STK10: variants seen among roughly 807,000 people sequenced by gnomAD.
The protein encoded by STK10 is serine/threonine-protein kinase 10.
A neutral mutation model predicts 113.8 loss-of-function variants in STK10; 78 were observed. That is an observed-to-expected ratio of 0.69 (90% confidence interval 0.57 to 0.83). The LOEUF (loss-of-function observed/expected upper bound fraction) is 0.83, where lower values mean the gene tolerates loss of function less well. Ranked by LOEUF, STK10 falls within the 40% of genes least tolerant of loss-of-function variation. The probability of loss-of-function intolerance (pLI) is 0.00; values close to 1 mark genes in which losing one functional copy is unlikely to be tolerated. For missense variants in STK10, 1,109 were observed against 1,280.1 expected (o/e 0.87, Z 2.04); for synonymous variants, 465 against 494.7 (o/e 0.94, Z 0.80).
chr5:172,088,286 G>A (rs1057005321), intron 10 of STK10, among the ~76,000 whole-genome samples: 13 of 152,070 alleles, frequency 8.5e-5, no homozygotes, highest in Non-Finnish European at 7.4e-5. Context: ...AGCACTTTGG[G>A]AGGCCGAGGT....
At chr5:172,141,128 G>A (rs1769964104) in intron 2 of STK10, among the ~76,000 whole-genome samples, 1 of 152,214 alleles carries the variant, frequency 6.6e-6, no homozygotes, top group African/African-American at 2.4e-5. Flanking sequence ...GAAATGGGGA[G>A]TTACTCATTA....
chr5:172,130,898 C>T (rs368360282), intron 2 of STK10, among the ~76,000 whole-genome samples: 1 of 152,040 alleles, frequency 6.6e-6, no homozygotes. Flanking sequence ...AGGATTCCTA[C>T]AAAAATATGC....
At chr5:172,152,747 C>T (rs1201392533) in intron 2 of STK10, among the ~76,000 whole-genome samples, 1 of 152,104 alleles carries the variant, frequency 6.6e-6, no homozygotes, top group East Asian at 1.9e-4. Context: ...TTTATGACAT[C>T]TAAACACAGA....
rs114771940 is a variant in STK10, at chr5:172,093,786, G to C, written c.1180C>G (p.Pro394Ala). The change falls in exon 9 of 19, where the codon CCA becomes GCA. Residue 394 changes from proline to alanine, a missense_variant. Physicochemically the swap from Pro to Ala is conservative, Grantham distance 27 (BLOSUM62 -1). Around this residue, in one of 5 missense-constraint regions of STK10, gnomAD observed 885 missense variants for 991.1 expected, o/e 0.89. Coordinates refer to ENST00000176763, the MANE Select transcript of STK10 (RefSeq NM_005990.4). The surrounding 1 kb of genome is among the most constrained non-coding windows in gnomAD (Gnocchi z 4.1). ...GDRSLQTTSP[P>A]VVAPGNENGL... ...TTCTCATTTCCAGGGGCCACGACTG[G>C]GGGACTGGTGGTTTGGAGGGATCTG... 4,713 of 1,609,120 alleles carry C rather than the reference G, an allele frequency of 2.9e-3. 145 individuals carry two copies. The Admixed American group carries it at 0.065, about 22-fold the overall frequency.
At chr5:172,067,880 C>T (rs768064125) in intron 12 of STK10, among the ~76,000 whole-genome samples, 1 of 151,788 alleles carries the variant, frequency 6.6e-6, no homozygotes, top group African/African-American at 2.4e-5. Context: ...AGAAAACCAC[C>T]CTCATACATA....
intron 3 of STK10, among the ~76,000 whole-genome samples, chr5:172,121,872 CTTT>C (rs35742153): frequency 1.3e-4 from 18 of 142,230 alleles, no homozygotes; most frequent in East Asian, 2.1e-4. Flanking sequence ...AGCTAATATA[CTTT>C]TTTTTTTTTT....
intron 1 of STK10, among the ~76,000 whole-genome samples, chr5:172,173,012 A>T (rs1318954535): frequency 6.6e-6 from 1 of 151,544 alleles, no homozygotes; most frequent in Non-Finnish European, 1.5e-5. Flanking sequence ...TGAGGCGAGG[A>T]GACCCGCGTG....
At chr5:172,077,097 G>C (rs1284105354) in intron 12 of STK10, among the ~76,000 whole-genome samples, 1 of 152,238 alleles carries the variant, frequency 6.6e-6, no homozygotes, top group Non-Finnish European at 1.5e-5. Context: ...CTCCCGCTGA[G>C]ATCTACTGAC....
chr5:172,084,916 T>C (rs536015502), intron 10 of STK10, among the ~76,000 whole-genome samples: 2 of 152,330 alleles, frequency 1.3e-5, no homozygotes, highest in East Asian at 3.9e-4. Flanking sequence ...TTTGGGATGT[T>C]TAACCTTTAT....
At chr5:172,160,359 C>G (rs1429129399) in intron 1 of STK10, among the ~76,000 whole-genome samples, 1 of 151,618 alleles carries the variant, frequency 6.6e-6, no homozygotes, top group Non-Finnish European at 1.5e-5. Flanking sequence ...CCTGTAATCT[C>G]AGCTACTCAA....
At chr5:172,111,357 TGAG>T (rs755577623) in intron 4 of STK10, among the ~76,000 whole-genome samples, 2 of 152,078 alleles carry the variant, frequency 1.3e-5, no homozygotes, top group African/African-American at 2.4e-5. Context: ...GATCCCTTCC[TGAG>T]AAGAGAGACG....
chr5:172,115,358 T>C (rs1260260273), intron 4 of STK10, among the ~76,000 whole-genome samples: 1 of 152,106 alleles, frequency 6.6e-6, no homozygotes, highest in African/African-American at 2.4e-5. Flanking sequence ...CCGGGAAATG[T>C]GAAACTAGAT....
chr5:172,121,580 G>A (rs1442790247), intron 3 of STK10, among the ~76,000 whole-genome samples: 2 of 151,936 alleles, frequency 1.3e-5, no homozygotes, highest in Non-Finnish European at 2.9e-5. Flanking sequence ...GTGGAGGTGG[G>A]CAGATCACCT....
chr5:172,160,502 G>A (rs1024000794), intron 1 of STK10, among the ~76,000 whole-genome samples: 2 of 151,066 alleles, frequency 1.3e-5, no homozygotes, highest in Non-Finnish European at 2.9e-5. Context: ...CTAAAAGCAC[G>A]CTGCTCATCT....
chr5:172,093,598 G>C lies in STK10; in HGVS notation c.1368C>G (p.Ala456=). The C allele has an allele frequency of 6.2e-7, 1 of 1,614,258 alleles. No individual in the cohort carries two copies. Among genetic ancestry groups the C allele is most frequent in the Non-Finnish European group, 8.5e-7 (1 of 1,180,046 alleles). Residue 456 remains alanine (A), a synonymous_variant, in exon 9 of 19, where the codon GCC becomes GCG. Transcript: ENST00000176763. This position sits in a 1 kb window ranked among gnomAD's most constrained non-coding sequence, Gnocchi z 4.1. ...KASQSRPNSS[A]LETLGGEKLA... ...GCTTCTCCCCACCCAAGGTCTCCAG[G>C]GCGCTGCTGTTGGGCCGGCTCTGGC...
chr5:172,059,326 A>G (rs1767878536), intron 14 of STK10, among the ~76,000 whole-genome samples: 1 of 151,646 alleles, frequency 6.6e-6, no homozygotes, highest in Non-Finnish European at 1.5e-5. Flanking sequence ...GAAGGAGGCT[A>G]AGGCAGAAGA....
intron 10 of STK10, among the ~76,000 whole-genome samples, chr5:172,084,012 C>A (rs986786209): frequency 3.3e-5 from 5 of 150,388 alleles, no homozygotes; most frequent in Non-Finnish European, 5.9e-5. Context: ...CAATATAGGT[C>A]TATGTAAATA....
Position 172,119,426 on chromosome 5 carries a change from T to C in STK10, c.371-1796A>G, listed in dbSNP as rs571180824. Among the ~76,000 whole-genome samples the C allele has an allele frequency of 2.2e-4, 33 of 152,142 alleles. No individual in the cohort carries two copies. In the East Asian group the frequency reaches 4.4e-3, roughly 20 times the overall value. The stretch of plus-strand genomic sequence containing the variant: ...GTCTGATTTTTGCATTAAAAAAAAA[T>C]TCCCATGGCTGAGAGCAGTGGCTCA... On this transcript the variant is annotated intron_variant, in intron 3 of 18. Coordinates refer to ENST00000176763, the MANE Select transcript of STK10 (RefSeq NM_005990.4).
intron 7 of STK10, among the ~76,000 whole-genome samples, chr5:172,105,225 G>A (rs3103591): frequency 0.1 from 14,867 of 143,496 alleles, 848 homozygotes; most frequent in East Asian, 0.15. Flanking sequence ...TGTCCCAGGC[G>A]TTTGCCTCCT....
Sources: allele counts gnomAD v4.1 joint callset (sites outside exome capture counted in the v4.1 genomes callset), GRCh38; gene constraint gnomAD v4.1.1; regional missense constraint gnomAD v4.1.1; non-coding constraint Gnocchi (gnomAD v3.1); transcripts MANE v1.5; gene names NCBI Gene and HGNC (gene_info 2026-07-23, HGNC 2026-07-21).